ZNF532: variants seen among roughly 807,000 people sequenced by gnomAD.
The protein encoded by ZNF532 is zinc finger protein 532.
ZNF532 carries 22 observed loss-of-function variants against 89.3 expected under a neutral mutation model. That is an observed-to-expected ratio of 0.25 (90% CI 0.18 to 0.35). ZNF532 has a LOEUF of 0.35. Among genes scored for constraint, ZNF532 ranks in the 10% least tolerant of loss-of-function variants. The probability of loss-of-function intolerance (pLI) is 1.00; values close to 1 mark genes in which losing one functional copy is unlikely to be tolerated. For synonymous variants in ZNF532, 606 were observed against 649.6 expected (o/e 0.93, Z 1.02); for missense variants, 1,132 against 1,643.4 (o/e 0.69, Z 5.38).
At chr18:58,955,938 C>T (rs1403531078) in intron 7 of ZNF532, among the ~76,000 whole-genome samples, 2 of 152,066 alleles carry the variant, frequency 1.3e-5, no homozygotes, top group Admixed American at 1.3e-4. Flanking sequence ...CACTTGGCAC[C>T]CCTACCAGAT....
intron 5 of ZNF532, among the ~76,000 whole-genome samples, chr18:58,946,313 GAC>G (rs1249426404): frequency 8.1e-5 from 10 of 123,734 alleles, no homozygotes; most frequent in South Asian, 2.6e-4. Context: ...TTTTTTTTGA[GAC>G]ACAGTCTTGC....
chr18:58,891,118 A>C (rs2058867164), intron 2 of ZNF532, among the ~76,000 whole-genome samples: 1 of 152,024 alleles, frequency 6.6e-6, no homozygotes, highest in Non-Finnish European at 1.5e-5. Flanking sequence ...ACGGGATTTC[A>C]CCATGTTAGC....
chr18:58,898,500 C>T (rs1482005049), intron 2 of ZNF532, among the ~76,000 whole-genome samples: 2 of 152,174 alleles, frequency 1.3e-5, no homozygotes. Flanking sequence ...CTGTGTTCAC[C>T]CAGGTCCTTG....
At chr18:58,895,110 T>C (rs1031135121) in intron 2 of ZNF532, among the ~76,000 whole-genome samples, 33 of 152,234 alleles carry the variant, frequency 2.2e-4, no homozygotes, top group African/African-American at 7.7e-4. Flanking sequence ...GGCTTTTCTG[T>C]GTAAATTGTT....
At chr18:58,939,732 G>C in intron 5 of ZNF532, 111 bp downstream of exon 5, 1 of 1,012,356 alleles carries the variant, frequency 9.9e-7, no homozygotes, top group Non-Finnish European at 1.4e-6. Flanking sequence ...AAATTATGCA[G>C]CTATGCCAAT....
rs2058506290 is a variant in ZNF532, at chr18:58,888,720, TATATAAA to T, written c.-18+23142_-18+23148del. Among the ~76,000 whole-genome samples the T allele has an allele frequency of 2.1e-4, 8 of 37,612 alleles. No individual in the cohort carries two copies. In the South Asian group the frequency reaches 6.7e-3, roughly 32 times the overall value. The allele number at this position is 37,612 out of a possible 152,430, so 24.7% of individuals were successfully genotyped here. On this transcript the variant is annotated intron_variant, in intron 2 of 9. Coordinates refer to ENST00000591808, the MANE Select transcript of ZNF532 (RefSeq NM_001375912.1). ...AATTATATATATATATATATATATA[TATATAAA>T]TTATATATATATATTTTATATATAT...
chr18:58,868,424 G>T (rs1189533303), intron 2 of ZNF532, among the ~76,000 whole-genome samples: 1 of 152,176 alleles, frequency 6.6e-6, no homozygotes, highest in Non-Finnish European at 1.5e-5. Context: ...ACCACCACGG[G>T]CGAAGCAGAA....
At position 58,934,475 on chromosome 18, in the gene ZNF532, A is replaced by G. The variant is rs139515763; in HGVS notation, c.2389A>G (p.Ser797Gly). ...ICQMLLPNQC[S>G]YASHQRIHQH... Reference sequence around the variant, plus strand: ...CCAGATGCTGCTTCCTAACCAGTGCAGTTATGCATCACACCAGAGAATCCA... The same window carrying G: ...CCAGATGCTGCTTCCTAACCAGTGCGGTTATGCATCACACCAGAGAATCCA... The change falls in exon 4 of 10, where the codon AGT becomes GGT. Residue 797 changes from serine (S) to glycine (G), a missense_variant. Physicochemically the swap from Ser to Gly is moderately conservative, Grantham distance 56. This residue lies in a region of ZNF532 where 100 missense variants were observed against 122.0 expected (regional missense o/e 0.82). Transcript: ENST00000591808. The G allele has an allele frequency of 2.5e-6, 4 of 1,613,994 alleles. No individual in the cohort carries two copies. The highest frequency in any genetic ancestry group is 3.4e-6 in the Non-Finnish European group (4 of 1,179,966).
rs114022427 is a variant in ZNF532, at chr18:58,871,287, C to A, written c.-18+5708C>A. Among the ~76,000 whole-genome samples, 903 of 152,242 alleles carry A rather than the reference C, an allele frequency of 5.9e-3. 8 individuals are homozygous for A. The highest frequency in any genetic ancestry group is 0.016 in the African/African-American group (655 of 41,532). On this transcript the variant is annotated intron_variant, in intron 2 of 9. Transcript: ENST00000591808. ...GTCCTGCTATGTTGCCCAGACTGGACTCAAACTAGCTGGACTTGAACTCCT... is the reference window on the plus strand; with the variant it reads ...GTCCTGCTATGTTGCCCAGACTGGAATCAAACTAGCTGGACTTGAACTCCT...
At chr18:58,956,447 G>T (rs949005925) in intron 7 of ZNF532, among the ~76,000 whole-genome samples, 1 of 152,156 alleles carries the variant, frequency 6.6e-6, no homozygotes, top group African/African-American at 2.4e-5. Flanking sequence ...GAAATGAATG[G>T]TGTTGAGTGT....
At chr18:58,958,488 A>G (rs2065021966) in intron 7 of ZNF532, among the ~76,000 whole-genome samples, 1 of 152,310 alleles carries the variant, frequency 6.6e-6, no homozygotes, top group African/African-American at 2.4e-5. Flanking sequence ...AGTTGGTATT[A>G]TTGTTTTGTT....
rs377023998 is a variant in ZNF532 at position 58,928,427 on chromosome 18, C to A, written c.2347-6006C>A. Reference sequence around the variant, plus strand: ...TTATGAACTGGTCTATGCTCAGTGACCCCCAAGAGCAGGTCTCTGGTAAGA... The same window carrying A: ...TTATGAACTGGTCTATGCTCAGTGAACCCCAAGAGCAGGTCTCTGGTAAGA... On this transcript the variant is annotated intron_variant, in intron 3 of 9. Coordinates refer to ENST00000591808, the MANE Select transcript of ZNF532 (RefSeq NM_001375912.1). 3.3e-5 allele frequency among the ~76,000 whole-genome samples: 5 copies of A among 152,190 alleles called. No homozygotes were observed. The South Asian group carries it at 8.3e-4, about 25-fold the overall frequency.
chr18:58,920,852 CATAGA>C lies in ZNF532; in HGVS notation c.2346+226_2346+230del, dbSNP rs1354319756. Among the ~76,000 whole-genome samples the C allele has an allele frequency of 7.4e-5, 11 of 149,142 alleles. No individual in the cohort carries two copies. In the Admixed American group the frequency reaches 7.4e-4, roughly 10 times the overall value. ...CACATGATCCAGTAAGGATTGTTTT[CATAGA>C]ATAGAAACAATTAGCTGGGGATGTG... On this transcript the variant is annotated intron_variant, in intron 3 of 9. Transcript: ENST00000591808.
At chr18:58,917,725 C>G (rs2060709151) in intron 2 of ZNF532, among the ~76,000 whole-genome samples, 1 of 151,578 alleles carries the variant, frequency 6.6e-6, no homozygotes, top group Non-Finnish European at 1.5e-5. Context: ...TAAAAAGTCC[C>G]AAATGGAATT....
intron 2 of ZNF532, among the ~76,000 whole-genome samples, chr18:58,885,392 T>C (rs1043607386): frequency 1.3e-5 from 2 of 152,196 alleles, no homozygotes; most frequent in Admixed American, 6.5e-5. Flanking sequence ...GGATTGATGA[T>C]TGTAGGAAAT....
chr18:58,957,405 A>G (rs1285466753), intron 7 of ZNF532, among the ~76,000 whole-genome samples: 1 of 51,822 alleles, frequency 1.9e-5, no homozygotes, highest in Non-Finnish European at 3.8e-5. Flanking sequence ...GACTTAAAAT[A>G]CATATATATA....
rs1568490824 is a variant in ZNF532 at position 58,985,396 on chromosome 18, G to C, written c.*930G>C. 6.6e-6 allele frequency: 1 copy of C among 152,480 alleles called. No homozygotes were observed. Among genetic ancestry groups the C allele is most frequent in the Non-Finnish European group, 1.5e-5 (1 of 68,010 alleles). 9.4% of individuals were successfully genotyped at this position (152,480 alleles called of 1,614,324 possible). A position where few individuals can be genotyped will look rare whatever the true frequency, so the allele number is the denominator to read the frequency against. On this transcript the variant is annotated 3_prime_UTR_variant, in exon 10 of 10. Transcript: ENST00000591808. ...GCTAAGAATATCAAGTATTTCTCTGGCTCTTGACAGAAAAAAATCAGTTGA... is the reference window on the plus strand; with the variant it reads ...GCTAAGAATATCAAGTATTTCTCTGCCTCTTGACAGAAAAAAATCAGTTGA...
chr18:58,885,001 T>C (rs2058191391), intron 2 of ZNF532, among the ~76,000 whole-genome samples: 1 of 151,562 alleles, frequency 6.6e-6, no homozygotes, highest in Non-Finnish European at 1.5e-5. Context: ...TTTTCTTTTT[T>C]TTTTGAGATG....
At chr18:58,971,684 A>T (rs1265884351) in intron 7 of ZNF532, among the ~76,000 whole-genome samples, 1 of 152,202 alleles carries the variant, frequency 6.6e-6, no homozygotes, top group East Asian at 1.9e-4. Flanking sequence ...TGAACGTGCT[A>T]GTGGTGGTAG....
Sources: allele counts gnomAD v4.1 joint callset (sites outside exome capture counted in the v4.1 genomes callset), GRCh38; gene constraint gnomAD v4.1.1; regional missense constraint gnomAD v4.1.1; transcripts MANE v1.5; gene names NCBI Gene and HGNC (gene_info 2026-07-23, HGNC 2026-07-21).